The following FILIP1 variants were observed in gnomAD, a reference collection of about 807,000 sequenced individuals.
FILIP1 encodes the protein filamin A interacting protein 1.
A neutral mutation model predicts 102.1 loss-of-function variants in FILIP1; 61 were observed. The ratio of observed to expected loss-of-function variants is 0.60; its 90% CI spans 0.49 to 0.74. The LOEUF (loss-of-function observed/expected upper bound fraction) is 0.74, where lower values mean the gene tolerates loss of function less well. Ranked by LOEUF, FILIP1 falls within the 30% of genes least tolerant of loss-of-function variation. FILIP1 has a pLI of 0.00. For synonymous variants in FILIP1, 491 were observed against 526.9 expected, an observed-to-expected ratio of 0.93 and a Z score of 0.93; for missense variants, 1,314 against 1,441.2, an observed-to-expected ratio of 0.91 and a Z score of 1.43.
At chr6:75,469,048 A>G (rs1779256960) in intron 1 of FILIP1, among the ~76,000 whole-genome samples, 1 of 152,072 alleles carries the variant, frequency 6.6e-6, no homozygotes, top group Non-Finnish European at 1.5e-5. Flanking sequence ...AATGAATATT[A>G]TAATAATAAG....
At chr6:75,461,619 A>T (rs1228659396) in intron 1 of FILIP1, among the ~76,000 whole-genome samples, 1 of 152,204 alleles carries the variant, frequency 6.6e-6, no homozygotes, top group Non-Finnish European at 1.5e-5. Flanking sequence ...TGAGACCTAC[A>T]ATGTTAGTAG....
intron 4 of FILIP1, among the ~76,000 whole-genome samples, chr6:75,326,219 A>G (rs1773859229): frequency 6.6e-6 from 1 of 152,150 alleles, no homozygotes; most frequent in African/African-American, 2.4e-5. Context: ...GGAGTTGGAA[A>G]CCATTATTCT....
intron 6 of FILIP1, among the ~76,000 whole-genome samples, chr6:75,299,522 T>G (rs1484987009): frequency 2.0e-5 from 3 of 152,172 alleles, no homozygotes. Context: ...TTGGAAGTTT[T>G]AAAAACCCTA....
Position 75,492,649 on chromosome 6 carries a change from T to C in FILIP1, c.-7+765A>G, listed in dbSNP as rs1022107862. On this transcript the variant is annotated intron_variant, in intron 1 of 5. Coordinates refer to ENST00000237172, the MANE Select transcript of FILIP1 (RefSeq NM_015687.5). ...GCTGAAAGGAGGATTTCCTTTACAC[T>C]ATAGTAAACACATTCATACACACAC... Among the ~76,000 whole-genome samples the C allele has an allele frequency of 3.3e-5, 5 of 152,314 alleles. No homozygotes were observed. In the South Asian group the frequency reaches 1.0e-3, roughly 32 times the overall value.
intron 5 of FILIP1, among the ~76,000 whole-genome samples, chr6:75,310,526 G>A (rs1225473562): frequency 2.6e-5 from 4 of 152,170 alleles, no homozygotes; most frequent in Admixed American, 6.5e-5. Flanking sequence ...TAAAATAGGT[G>A]GACCATTCAG....
intron 4 of FILIP1, among the ~76,000 whole-genome samples, chr6:75,336,316 G>T (rs1261735083): frequency 6.6e-6 from 1 of 152,104 alleles, no homozygotes; most frequent in Non-Finnish European, 1.5e-5. Context: ...GTATAATAGG[G>T]ATATGGGTTT....
exon 7 of FILIP1, chr6:75,294,693 T>G (rs1045063304): frequency 1.3e-5 from 2 of 151,940 alleles, no homozygotes; most frequent in African/African-American, 4.8e-5. Context: ...TGTGTGTGTG[T>G]GGGTTTGTCT....
intron 1 of FILIP1, among the ~76,000 whole-genome samples, chr6:75,452,553 A>G (rs1778670369): frequency 6.6e-6 from 1 of 152,156 alleles, no homozygotes; most frequent in African/African-American, 2.4e-5. Flanking sequence ...ATATTATTGG[A>G]TTCCAAATTC....
intron 1 of FILIP1, among the ~76,000 whole-genome samples, chr6:75,489,910 C>T (rs1309899668): frequency 1.3e-5 from 2 of 151,830 alleles, no homozygotes. Context: ...TCTCTTAAAC[C>T]TTTCTGTTGA....
At chr6:75,364,468 C>T (rs1775266680) in intron 2 of FILIP1, among the ~76,000 whole-genome samples, 2 of 152,200 alleles carry the variant, frequency 1.3e-5, no homozygotes, top group Non-Finnish European at 2.9e-5. Flanking sequence ...AGGCATAACT[C>T]CCAATCTGTA....
At position 75,343,029 on chromosome 6, in the gene FILIP1, G is replaced by A. The variant is rs147716157; in HGVS notation, c.629+10510C>T. 4.1e-3 allele frequency among the ~76,000 whole-genome samples: 627 copies of A among 152,250 alleles called. 3 individuals carry two copies. Among genetic ancestry groups the A allele is most frequent in the Middle Eastern group, 6.8e-3 (2 of 294 alleles). ...CTAATCCCCAATGTGACCTTATTTAGAGACAGGACTTTAAGGAGGTAATTC... is the reference window on the plus strand; with the variant it reads ...CTAATCCCCAATGTGACCTTATTTAAAGACAGGACTTTAAGGAGGTAATTC... On this transcript the variant is annotated intron_variant, in intron 4 of 5. Transcript: ENST00000237172.
chr6:75,445,591 C>A (rs760867329), intron 1 of FILIP1, among the ~76,000 whole-genome samples: 30 of 152,142 alleles, frequency 2.0e-4, no homozygotes, highest in Admixed American at 5.9e-4. Context: ...AGCATGTGAG[C>A]TTATTGAAAG....
rs114542468 is a variant in FILIP1 at position 75,342,619 on chromosome 6, G to A, written c.629+10920C>T. Among the ~76,000 whole-genome samples, 1,150 of 152,224 alleles carry A rather than the reference G, an allele frequency of 7.6e-3. 9 individuals carry two copies. The highest frequency in any genetic ancestry group is 0.02 in the Middle Eastern group (6 of 294). On this transcript the variant is annotated intron_variant, in intron 4 of 5. Transcript: ENST00000237172. The stretch of plus-strand genomic sequence containing the variant: ...TTCAAGCCCTCATTTCTGGAGTTGC[G>A]ACTAACCTCTGGGACCATTAGGAAG...
At chr6:75,368,396 T>A (rs1775410413) in intron 2 of FILIP1, among the ~76,000 whole-genome samples, 1 of 152,208 alleles carries the variant, frequency 6.6e-6, no homozygotes. Flanking sequence ...ATCCAATCAC[T>A]CCTTCAATAA....
At chr6:75,369,568 C>T (rs1775448506) in intron 2 of FILIP1, among the ~76,000 whole-genome samples, 1 of 119,840 alleles carries the variant, frequency 8.3e-6, no homozygotes, top group Non-Finnish European at 1.8e-5. Context: ...ACTTGTGTGG[C>T]TTTTCTATCT....
In FILIP1 at chr6:75,314,997, C is replaced by T. The variant is rs768976627; in HGVS notation, c.835G>A (p.Glu279Lys). ...GAAGTAATGGCTTTGAGCTTCTCTT[C>T]TTCTTCCCTCAGCTTCTGAGTAAGA... Reference protein sequence around the residue: ...QDLTQKLREEEEKLKAITSKS... With the variant: ...QDLTQKLREEKEKLKAITSKS... The change falls in exon 5 of 6, where the codon GAA (glutamate) becomes AAA (lysine). Residue 279 changes from glutamate to lysine, a missense_variant. This residue lies in a region of FILIP1 where 494 missense variants were observed against 511.2 expected (regional missense o/e 0.97). Transcript: ENST00000237172. The T allele has an allele frequency of 2.4e-5, 38 of 1,613,848 alleles. No individual in the cohort carries two copies. Among genetic ancestry groups the T allele is most frequent in the Non-Finnish European group, 5.9e-6 (7 of 1,179,992 alleles).
rs1348451202 is a variant in FILIP1 at position 75,441,469 on chromosome 6, ATG to A, written c.-6-26493_-6-26492del. On this transcript the variant is annotated intron_variant, in intron 1 of 5. Coordinates refer to ENST00000237172, the MANE Select transcript of FILIP1 (RefSeq NM_015687.5). ...ATTCCACAAAACCGCCATTGTCATC[ATG>A]GCCCGTTCTCAATGAGCTGTTGGGT... 2.6e-5 allele frequency among the ~76,000 whole-genome samples: 4 copies of A among 151,984 alleles called. No individual in the cohort carries two copies. The South Asian group carries it at 8.3e-4, about 32-fold the overall frequency.
chr6:75,339,632 G>A (rs1774354526), intron 4 of FILIP1, among the ~76,000 whole-genome samples: 1 of 152,184 alleles, frequency 6.6e-6, no homozygotes, highest in African/African-American at 2.4e-5. Flanking sequence ...AGTTTAAGCT[G>A]TGTTTAATCC....
chr6:75,389,952 T>TAA (rs749047538), intron 2 of FILIP1, among the ~76,000 whole-genome samples: 1 of 152,106 alleles, frequency 6.6e-6, no homozygotes, highest in Non-Finnish European at 1.5e-5. Flanking sequence ...TGCTCTAAGG[T>TAA]AGTTATTCTC....
Sources: gnomAD v4.1 joint callset for allele counts (sites outside exome capture counted in the v4.1 genomes callset) on GRCh38, gnomAD v4.1.1 for gene constraint, gnomAD v4.1.1 regional missense constraint, MANE v1.5 for transcripts, NCBI Gene and HGNC (gene_info 2026-07-23, HGNC 2026-07-21) for gene names.